The following USP13 variants were observed in gnomAD, a reference collection of about 807,000 sequenced individuals.
USP13 encodes the protein ubiquitin carboxyl-terminal hydrolase 13.
USP13 carries 68 observed loss-of-function variants against 107.8 expected under a neutral mutation model. The observed-to-expected ratio is 0.63, with a 90% CI of 0.52 to 0.77. The LOEUF (loss-of-function observed/expected upper bound fraction) is 0.77. USP13 is among the 30% of genes least tolerant of loss of function. USP13 has a pLI of 0.00. For synonymous variants in USP13, 377 were observed against 389.5 expected (o/e 0.97, Z 0.38); for missense variants, 945 against 1,093.3 (o/e 0.86, Z 1.91).
chr3:179,727,615 C>T (rs1283257412), intron 8 of USP13, among the ~76,000 whole-genome samples: 2 of 99,478 alleles, frequency 2.0e-5, no homozygotes, highest in African/African-American at 6.8e-5. Context: ...TTTTCCCCAC[C>T]CTTCCCCCCT....
intron 8 of USP13, among the ~76,000 whole-genome samples, chr3:179,723,666 A>G (rs892067043): frequency 6.6e-6 from 1 of 152,280 alleles, no homozygotes; most frequent in Middle Eastern, 3.4e-3. Flanking sequence ...TTACATTCTC[A>G]TTCTATTTTC....
intron 1 of USP13, among the ~76,000 whole-genome samples, chr3:179,663,376 A>G (rs1233801294): frequency 6.6e-6 from 1 of 152,218 alleles, no homozygotes; most frequent in Admixed American, 6.5e-5. Flanking sequence ...TTGTTTATCC[A>G]GTCATCTGTC....
At chr3:179,713,648 T>C (rs1011341442) in intron 6 of USP13, among the ~76,000 whole-genome samples, 22 of 152,166 alleles carry the variant, frequency 1.4e-4, no homozygotes, top group African/African-American at 4.8e-4. Context: ...ATTTGTTTTT[T>C]AGTTCATAAT....
intron 5 of USP13, among the ~76,000 whole-genome samples, chr3:179,708,209 A>G (rs1712791599): frequency 1.3e-5 from 2 of 152,170 alleles, no homozygotes; most frequent in African/African-American, 4.8e-5. Context: ...CAGTTTTCGA[A>G]AGTAAAAAAG....
intron 10 of USP13, among the ~76,000 whole-genome samples, chr3:179,735,995 G>T (rs111486738): frequency 1.1e-4 from 17 of 152,282 alleles, no homozygotes; most frequent in African/African-American, 3.8e-4. Flanking sequence ...AGCTGTGATT[G>T]CACCATTGCC....
intron 8 of USP13, among the ~76,000 whole-genome samples, chr3:179,722,916 G>A (rs1000766021): frequency 1.3e-5 from 2 of 152,202 alleles, no homozygotes; most frequent in Admixed American, 1.3e-4. Flanking sequence ...CTACACCGAG[G>A]GGGACAGCAG....
At chr3:179,675,117 G>A (rs1720856003) in intron 1 of USP13, among the ~76,000 whole-genome samples, 1 of 151,686 alleles carries the variant, frequency 6.6e-6, no homozygotes. Context: ...GGAGTTTGCA[G>A]TGAGCAGAGA....
At chr3:179,764,457 A>T (rs1313636432) in intron 18 of USP13, among the ~76,000 whole-genome samples, 1 of 152,182 alleles carries the variant, frequency 6.6e-6, no homozygotes, top group Non-Finnish European at 1.5e-5. Context: ...CAGAAATTTG[A>T]CTTGGAGGCT....
chr3:179,755,299 A>C (rs970160568), intron 15 of USP13, among the ~76,000 whole-genome samples: 2 of 145,484 alleles, frequency 1.4e-5, no homozygotes, highest in Admixed American at 6.9e-5. Flanking sequence ...AACACATAAC[A>C]TTTTTTTTTT....
At chr3:179,754,594 T>C (rs934361899) in intron 14 of USP13, 138 bp from the exon 15 acceptor site, 8 of 1,179,946 alleles carry the variant, frequency 6.8e-6, no homozygotes, top group Non-Finnish European at 9.0e-6. Flanking sequence ...ATGAACCTGC[T>C]GGTCGAGCAA....
chr3:179,731,252 A>G (rs1332222924), intron 10 of USP13, among the ~76,000 whole-genome samples: 1 of 152,122 alleles, frequency 6.6e-6, no homozygotes, highest in Non-Finnish European at 1.5e-5. Flanking sequence ...CTCTACTAAA[A>G]ATACAAAAAT....
At chr3:179,708,436 T>A (rs1712801652) in intron 5 of USP13, among the ~76,000 whole-genome samples, 1 of 74,408 alleles carries the variant, frequency 1.3e-5, no homozygotes, top group African/African-American at 4.1e-5. Flanking sequence ...GCCTCCCGAG[T>A]AGCTGGGATT....
At position 179,742,552 on chromosome 3, in the gene USP13, A is replaced by T. The variant is rs9881158; in HGVS notation, c.1534+202A>T. 0.069 allele frequency among the ~76,000 whole-genome samples: 10,543 copies of T among 152,252 alleles called. 860 individuals are homozygous for T. The highest frequency in any genetic ancestry group is 0.18 in the African/African-American group (7,564 of 41,514). On this transcript the variant is annotated intron_variant, in intron 12 of 20. Coordinates refer to ENST00000263966, the MANE Select transcript of USP13 (RefSeq NM_003940.3). The surrounding 1 kb of genome is among the most constrained non-coding windows in gnomAD (Gnocchi z 5.0). ...AAGAATCAAATGCATCACAGGTTTTATGGAGGCGTTATGGTTGGAACCTAC... is the reference window on the plus strand; with the variant it reads ...AAGAATCAAATGCATCACAGGTTTTTTGGAGGCGTTATGGTTGGAACCTAC...
intron 1 of USP13, among the ~76,000 whole-genome samples, chr3:179,667,416 T>C (rs1220541499): frequency 6.6e-6 from 1 of 152,160 alleles, no homozygotes; most frequent in Non-Finnish European, 1.5e-5. Context: ...AAAATAAAAA[T>C]AAGAAATGAC....
At position 179,653,518 on chromosome 3, in the gene USP13, G is replaced by A; in HGVS notation, c.168+125G>A. ...CCTCCGGGCGGCAGAGTTGGCTCAGGAACACTGCAGTTCGGCAGACACTTA... is the reference window on the plus strand; with the variant it reads ...CCTCCGGGCGGCAGAGTTGGCTCAGAAACACTGCAGTTCGGCAGACACTTA... On this transcript the variant is annotated intron_variant, in intron 1 of 20. Transcript: ENST00000263966. The surrounding 1 kb of genome is among the most constrained non-coding windows in gnomAD (Gnocchi z 4.0). 1.5e-6 allele frequency: 2 copies of A among 1,314,236 alleles called. No individual in the cohort carries two copies. The highest frequency in any genetic ancestry group is 2.1e-6 in the Non-Finnish European group (2 of 966,996). 81.4% of individuals were successfully genotyped at this position (1,314,236 alleles called of 1,614,324 possible).
chr3:179,673,253 G>A (rs1720798484), intron 1 of USP13, among the ~76,000 whole-genome samples: 1 of 152,106 alleles, frequency 6.6e-6, no homozygotes, highest in African/African-American at 2.4e-5. Context: ...AGATCAGAAG[G>A]GCACTGAGGA....
At chr3:179,667,852 T>C (rs369076956) in intron 1 of USP13, among the ~76,000 whole-genome samples, 25 of 152,330 alleles carry the variant, frequency 1.6e-4, no homozygotes, top group East Asian at 3.9e-4. Context: ...TTCTCCATAT[T>C]GGTAAGGCTG....
At position 179,764,053 on chromosome 3, in the gene USP13, G is replaced by C; in HGVS notation, c.2144G>C (p.Gly715Ala). 1 of 1,614,066 alleles carries C rather than the reference G, an allele frequency of 6.2e-7. No individual in the cohort carries two copies. The highest frequency in any genetic ancestry group is 8.5e-7 in the Non-Finnish European group (1 of 1,180,014). ...MPGYGGAASA[G>A]ASVFGASGLD... ...GGTTATGGAGGGGCAGCTTCTGCTG[G>C]AGCCTCTGTTTTTGGTGCTTCTGGA... The change falls in exon 18 of 21, where the codon GGA (glycine) becomes GCA (alanine). Residue 715 changes from glycine to alanine, a missense_variant. By Grantham distance (60) the Gly-to-Ala change is moderately conservative. Transcript: ENST00000263966.
chr3:179,770,918 T>G (rs34225521), intron 19 of USP13, among the ~76,000 whole-genome samples: 11,310 of 152,190 alleles, frequency 0.074, 470 homozygotes, highest in Non-Finnish European at 0.095. Flanking sequence ...GAATATTGAA[T>G]ACAATTAAAG....
Sources: allele counts gnomAD v4.1 joint callset (sites outside exome capture counted in the v4.1 genomes callset), GRCh38; gene constraint gnomAD v4.1.1; non-coding constraint Gnocchi (gnomAD v3.1); transcripts MANE v1.5; gene names NCBI Gene and HGNC (gene_info 2026-07-23, HGNC 2026-07-21).